AGBL3: variants seen among roughly 807,000 people sequenced by gnomAD.
AGBL3 encodes the protein cytosolic carboxypeptidase 3.
A neutral mutation model predicts 94.5 loss-of-function variants in AGBL3; 68 were observed. That is an observed-to-expected ratio of 0.72 (90% CI 0.59 to 0.88). The LOEUF (loss-of-function observed/expected upper bound fraction) is 0.88, where lower values mean the gene tolerates loss of function less well. AGBL3 is among the 40% of genes least tolerant of loss of function. AGBL3 has a pLI of 0.00. For missense variants in AGBL3, 934 were observed against 1,103.8 expected (o/e 0.85, Z 2.18); for synonymous variants, 354 against 370.7 (o/e 0.95, Z 0.52).
rs149680056 is a variant in AGBL3, at chr7:135,108,137, C to G, written c.2111-7243C>G. Among the ~76,000 whole-genome samples the G allele has an allele frequency of 2.4e-3, 360 of 152,246 alleles. 2 individuals carry two copies. The highest frequency in any genetic ancestry group is 8.1e-3 in the African/African-American group (337 of 41,538). On this transcript the variant is annotated intron_variant, in intron 15 of 16. Transcript: ENST00000436302. ...TGTGAGATGGGTCTCTAGAAGATAG[C>G]ATACCATTAGATTTTGCTGTTTTTT...
chr7:135,010,175 C>G, intron 4 of AGBL3: 1 of 349,652 alleles, frequency 2.9e-6, no homozygotes, highest in South Asian at 2.1e-5. Context: ...ACTACAGGCG[C>G]GTGCCACCAC....
At chr7:135,105,322 G>A (rs1345300066) in intron 15 of AGBL3, among the ~76,000 whole-genome samples, 4 of 122,330 alleles carry the variant, frequency 3.3e-5, no homozygotes, top group East Asian at 9.0e-4. Context: ...CGCCTGCCTC[G>A]GTCTCCCAAA....
At chr7:135,118,866 GA>G (rs953704096) in intron 16 of AGBL3, among the ~76,000 whole-genome samples, 6 of 152,020 alleles carry the variant, frequency 3.9e-5, no homozygotes, top group African/African-American at 1.4e-4. Context: ...AAATACCACT[GA>G]AATTTTAAAA....
intron 2 of AGBL3, 85 bp downstream of exon 2, chr7:134,988,081 A>ATTTT: frequency 9.6e-7 from 1 of 1,045,590 alleles, no homozygotes. Flanking sequence ...AATCAATTGG[A>ATTTT]TATAAAAATC....
chr7:135,100,207 A>G (rs75712520), intron 15 of AGBL3: 4 of 151,416 alleles, frequency 2.6e-5, no homozygotes, highest in African/African-American at 4.8e-5. Context: ...AAAAAAAAAA[A>G]CACTGGTGGC....
At chr7:135,049,422 G>C (rs1817674031) in intron 11 of AGBL3, among the ~76,000 whole-genome samples, 1 of 151,850 alleles carries the variant, frequency 6.6e-6, no homozygotes, top group Non-Finnish European at 1.5e-5. Context: ...TTTCGTATCA[G>C]GTTAATGTGA....
chr7:135,019,789 A>T (rs1391395398), intron 5 of AGBL3, among the ~76,000 whole-genome samples: 1 of 152,216 alleles, frequency 6.6e-6, no homozygotes, highest in Non-Finnish European at 1.5e-5. Context: ...GATCTTTGAC[A>T]AACCTGACAA....
intron 4 of AGBL3, among the ~76,000 whole-genome samples, chr7:135,006,051 G>A (rs1337821440): frequency 6.6e-6 from 1 of 151,586 alleles, no homozygotes; most frequent in African/African-American, 2.4e-5. Flanking sequence ...TCTTAGAATT[G>A]ACATCAAAAA....
At chr7:135,055,943 T>A (rs975438757) in intron 11 of AGBL3, among the ~76,000 whole-genome samples, 23 of 152,022 alleles carry the variant, frequency 1.5e-4, no homozygotes, top group African/African-American at 5.3e-4. Flanking sequence ...GATATATAGA[T>A]CTATATATCT....
chr7:135,090,908 G>A (rs910307064), intron 15 of AGBL3, among the ~76,000 whole-genome samples: 1 of 152,148 alleles, frequency 6.6e-6, no homozygotes, highest in Non-Finnish European at 1.5e-5. Flanking sequence ...CACCCCTGGT[G>A]CAAGACATAC....
chr7:135,051,924 A>G (rs537907890), intron 11 of AGBL3, among the ~76,000 whole-genome samples: 1 of 152,094 alleles, frequency 6.6e-6, no homozygotes, highest in East Asian at 1.9e-4. Context: ...TATTTTTTCT[A>G]TGTGGCTATG....
At chr7:135,068,414 T>A (rs188441763) in intron 12 of AGBL3, among the ~76,000 whole-genome samples, 1 of 151,742 alleles carries the variant, frequency 6.6e-6, no homozygotes, top group African/African-American at 2.4e-5. Context: ...GAGAAGAGCA[T>A]CTCCAAGACA....
At chr7:135,077,338 C>T (rs182335233) in intron 13 of AGBL3, among the ~76,000 whole-genome samples, 4 of 152,226 alleles carry the variant, frequency 2.6e-5, no homozygotes, top group African/African-American at 7.2e-5. Context: ...AATGATGGTT[C>T]CACACTGGGA....
chr7:135,088,494 G>A (rs1821511965), intron 15 of AGBL3, among the ~76,000 whole-genome samples: 2 of 151,958 alleles, frequency 1.3e-5, no homozygotes, highest in Admixed American at 6.6e-5. Context: ...ACTTTTATAT[G>A]TTTTAATGAT....
At chr7:135,055,015 C>A (rs999774107) in intron 11 of AGBL3, among the ~76,000 whole-genome samples, 1 of 151,868 alleles carries the variant, frequency 6.6e-6, no homozygotes, top group African/African-American at 2.4e-5. Context: ...CAGAGAAGGT[C>A]AAAGGGGAAG....
At chr7:134,998,181 T>TC (rs1379461194) in intron 4 of AGBL3, among the ~76,000 whole-genome samples, 1 of 152,232 alleles carries the variant, frequency 6.6e-6, no homozygotes, top group Non-Finnish European at 1.5e-5. Context: ...AGATAATGGC[T>TC]CATTACCTCT....
At chr7:135,131,619 A>C (rs1156259919) in intron 16 of AGBL3, among the ~76,000 whole-genome samples, 3 of 152,038 alleles carry the variant, frequency 2.0e-5, no homozygotes, top group African/African-American at 7.2e-5. Flanking sequence ...TCTGAAATCA[A>C]TAATCTAAGC....
intron 12 of AGBL3, among the ~76,000 whole-genome samples, chr7:135,064,526 C>T (rs1391971414): frequency 6.6e-6 from 1 of 151,974 alleles, no homozygotes; most frequent in Non-Finnish European, 1.5e-5. Context: ...ATAACCCAGG[C>T]AAGATAAAAG....
intron 11 of AGBL3, among the ~76,000 whole-genome samples, chr7:135,054,363 TC>T (rs1255695321): frequency 1.4e-4 from 21 of 152,322 alleles, no homozygotes; most frequent in African/African-American, 5.1e-4. Flanking sequence ...AAACTTAAAT[TC>T]CTTTTATAGC....
Sources: allele counts gnomAD v4.1 joint callset (sites outside exome capture counted in the v4.1 genomes callset), GRCh38; gene constraint gnomAD v4.1.1; transcripts MANE v1.5; gene names NCBI Gene and HGNC (gene_info 2026-07-23, HGNC 2026-07-21).